THAP9: variants seen among roughly 807,000 people sequenced by gnomAD.
The protein encoded by THAP9 is THAP domain containing 9, also known as DNA transposase THAP9.
A neutral mutation model predicts 35.7 loss-of-function variants in THAP9; 20 were observed. That is an observed-to-expected ratio of 0.56 (90% confidence interval 0.39 to 0.81). The LOEUF is 0.81. Among genes scored for constraint, THAP9 ranks in the 40% least tolerant of loss-of-function variants. THAP9 has a pLI of 0.00. For synonymous variants in THAP9, 335 were observed against 373.7 expected (o/e 0.90, Z 1.19); for missense variants, 870 against 1,047.4 (o/e 0.83, Z 2.34).
At chr4:82,904,670 A>G (rs13140582) in intron 1 of THAP9, 66 bp from the exon 2 acceptor site, 280,004 of 1,435,950 alleles carry the variant, frequency 0.19, 28,461 homozygotes, top group South Asian at 0.31. Flanking sequence ...GGTTTATATA[A>G]TAAATACTAC....
At chr4:82,901,604 G>A (rs1374319118) in intron 1 of THAP9, among the ~76,000 whole-genome samples, 2 of 152,116 alleles carry the variant, frequency 1.3e-5, no homozygotes, top group Non-Finnish European at 2.9e-5. Context: ...GATAGAAAGT[G>A]CAAATATAGA....
At chr4:82,914,434 C>T (rs1720974012) in intron 4 of THAP9, among the ~76,000 whole-genome samples, 1 of 152,218 alleles carries the variant, frequency 6.6e-6, no homozygotes, top group African/African-American at 2.4e-5. Flanking sequence ...TACACTCCCA[C>T]CAACAGTGTA....
rs746323377 is a variant in THAP9 at position 82,917,759 on chromosome 4, A to G, written c.1547A>G (p.Asn516Ser). 6.2e-7 allele frequency: 1 copy of G among 1,614,016 alleles called. No individual in the cohort carries two copies. Residue 516 changes from asparagine to serine, a missense_variant, in exon 5 of 5, where the codon AAT (asparagine) becomes AGT (serine). Asn to Ser is a conservative substitution (Grantham distance 46, BLOSUM62 1). This residue lies in a region of THAP9 where 414 missense variants were observed against 500.8 expected (regional missense o/e 0.83). Transcript: ENST00000302236. ...GTIHFLRLINNLFDIFNSRNC... is the reference protein window; with the variant it reads ...GTIHFLRLINSLFDIFNSRNC... ...ATCCATTTTTTACGTTTAATTAACAATCTGTTTGACATCTTTAATAGTAGG... is the reference window on the plus strand; with the variant it reads ...ATCCATTTTTTACGTTTAATTAACAGTCTGTTTGACATCTTTAATAGTAGG...
chr4:82,906,455 A>G lies in THAP9; in HGVS notation c.408A>G (p.Ala136=), dbSNP rs1471057205. 2.5e-6 allele frequency: 4 copies of G among 1,613,778 alleles called. No homozygotes were observed. Among genetic ancestry groups the G allele is most frequent in the African/African-American group, 1.3e-5 (1 of 74,938 alleles). The part of the protein sequence containing the change: ...YSLKTPLTIG[A]EKLAEVQQML... ...TAAAGACACCTTTGACGATAGGTGC[A>G]GAGAAACTGGCTGAGGTGCAACAAA... The change falls in exon 3 of 5, where the codon GCA becomes GCG. Residue 136 remains alanine (A), a synonymous_variant. Coordinates refer to ENST00000302236, the MANE Select transcript of THAP9 (RefSeq NM_024672.6).
Position 82,907,771 on chromosome 4 carries a change from A to G in THAP9, c.581-14A>G. On this transcript the variant is annotated splice_polypyrimidine_tract_variant and intron_variant, in intron 3 of 4. Coordinates refer to ENST00000302236, the MANE Select transcript of THAP9 (RefSeq NM_024672.6). Reference sequence around the variant, plus strand: ...ACTATTCATCACAAAGAATAAAAAAATTTATTTTAACAGATTTTAAGTGGG... The same window carrying G: ...ACTATTCATCACAAAGAATAAAAAAGTTTATTTTAACAGATTTTAAGTGGG... 6.4e-7 allele frequency: 1 copy of G among 1,563,636 alleles called. No homozygotes were observed. Among genetic ancestry groups the G allele is most frequent in the Middle Eastern group, 1.8e-4 (1 of 5,594 alleles).
At chr4:82,906,136 CAA>C (rs11444044) in intron 2 of THAP9, among the ~76,000 whole-genome samples, 186 bp from the exon 3 acceptor site, 5 of 142,320 alleles carry the variant, frequency 3.5e-5, no homozygotes, top group Admixed American at 7.1e-5. Context: ...CTGTGTAGTG[CAA>C]AAAAAAAAAG....
intron 2 of THAP9, among the ~76,000 whole-genome samples, chr4:82,905,310 A>G (rs1720600550): frequency 6.6e-6 from 1 of 152,200 alleles, no homozygotes; most frequent in Admixed American, 6.5e-5. Context: ...TTGATCAAAA[A>G]TATACCTAAT....
chr4:82,914,303 T>G (rs1364707205), intron 4 of THAP9, among the ~76,000 whole-genome samples: 1 of 152,220 alleles, frequency 6.6e-6, no homozygotes, highest in Non-Finnish European at 1.5e-5. Flanking sequence ...CATGCATGTG[T>G]CTTTATGGTA....
intron 1 of THAP9, among the ~76,000 whole-genome samples, chr4:82,903,148 G>A (rs916383728): frequency 1.3e-5 from 2 of 152,244 alleles, no homozygotes; most frequent in South Asian, 2.1e-4. Flanking sequence ...CTATAAGTCT[G>A]TCTCTAAGAT....
chr4:82,900,771 A>T lies in THAP9; in HGVS notation c.-32A>T. 1 of 1,611,114 alleles carries T rather than the reference A, an allele frequency of 6.2e-7. No homozygotes were observed. Among genetic ancestry groups the T allele is most frequent in the Non-Finnish European group, 8.5e-7 (1 of 1,177,882 alleles). On this transcript the variant is annotated 5_prime_UTR_variant, in exon 1 of 5. Coordinates refer to ENST00000302236, the MANE Select transcript of THAP9 (RefSeq NM_024672.6). ...GGTCGTGATTCATGCTGTCGCGGGA[A>T]CCCCGAAGGTGGGGCCCCACGTAAC...
intron 4 of THAP9, among the ~76,000 whole-genome samples, chr4:82,909,424 G>C (rs994783846): frequency 4.6e-5 from 7 of 150,670 alleles, no homozygotes; most frequent in Non-Finnish European, 1.0e-4. Context: ...TTTCCTTCCT[G>C]TGTGTGTGTG....
chr4:82,917,326 AC>A lies in THAP9; in HGVS notation c.1115del (p.Thr372AsnfsTer24). On this transcript the variant is annotated frameshift_variant, in exon 5 of 5. Coordinates refer to ENST00000302236, the MANE Select transcript of THAP9 (RefSeq NM_024672.6). LOFTEE classifies it high-confidence loss of function. ...SDIGITVLAV[T>X]SDATAHSVQM... Reference sequence around the variant, plus strand: ...CATAGGAATCACAGTTCTGGCTGTTACATCTGATGCCACAGCACATAGTGTT... The same window carrying A: ...CATAGGAATCACAGTTCTGGCTGTTAATCTGATGCCACAGCACATAGTGTT... The A allele has an allele frequency of 6.2e-7, 1 of 1,613,786 alleles. No homozygotes were observed. Among genetic ancestry groups the A allele is most frequent in the Non-Finnish European group, 8.5e-7 (1 of 1,179,736 alleles).
Position 82,918,833 on chromosome 4 carries a change from C to A in THAP9, c.2621C>A (p.Ser874Ter). The change falls in exon 5 of 5, where the codon TCA becomes TAA. Residue 874 changes from serine to a stop codon, truncating the protein, a stop_gained. Coordinates refer to ENST00000302236, the MANE Select transcript of THAP9 (RefSeq NM_024672.6). LOFTEE classifies it high-confidence loss of function. ...DMKTLSRKHW[S>*]SVQDYKCSSF... is the part of the protein sequence containing the mutation. ...AAAACTTTATCAAGGAAACACTGGT[C>A]ATCTGTACAGGATTATAAATGTTCA... The A allele has an allele frequency of 6.2e-7, 1 of 1,613,510 alleles. No individual in the cohort carries two copies. Among genetic ancestry groups the A allele is most frequent in the South Asian group, 1.1e-5 (1 of 90,984 alleles).
chr4:82,909,782 A>G (rs1423585371), intron 4 of THAP9, among the ~76,000 whole-genome samples: 2 of 152,138 alleles, frequency 1.3e-5, no homozygotes, highest in African/African-American at 4.8e-5. Flanking sequence ...GCTAAGCAAG[A>G]GAGTTTTATA....
chr4:82,906,435 A>C lies in THAP9; in HGVS notation c.388A>C (p.Thr130Pro). The change falls in exon 3 of 5, where the codon ACA becomes CCA. Residue 130 changes from threonine to proline, a missense_variant. Coordinates refer to ENST00000302236, the MANE Select transcript of THAP9 (RefSeq NM_024672.6). ...ATEDHNYSLK[T>P]PLTIGAEKLA... ...TGAGGACCATAACTATAGTTTAAAG[A>C]CACCTTTGACGATAGGTGCAGAGAA... 1 of 1,613,868 alleles carries C rather than the reference A, an allele frequency of 6.2e-7. No homozygotes were observed. Among genetic ancestry groups the C allele is most frequent in the Non-Finnish European group, 8.5e-7 (1 of 1,179,790 alleles).
At chr4:82,904,705 T>C (rs561787611) in intron 1 of THAP9, 31 bp from the exon 2 acceptor site, 1 of 1,603,590 alleles carries the variant, frequency 6.2e-7, no homozygotes, top group East Asian at 2.2e-5. Context: ...AATGTTTTCA[T>C]GTTAATGGAA....
intron 4 of THAP9, among the ~76,000 whole-genome samples, chr4:82,915,931 G>A (rs1051171474): frequency 3.3e-5 from 5 of 152,064 alleles, no homozygotes; most frequent in African/African-American, 1.2e-4. Context: ...GTGTAAGTTC[G>A]TAGTATGTAC....
Position 82,917,335 on chromosome 4 carries a change from G to A in THAP9, c.1123G>A (p.Ala375Thr), listed in dbSNP as rs759742384. 1.9e-6 allele frequency: 3 copies of A among 1,613,402 alleles called. No homozygotes were observed. The Admixed American group carries it at 5.0e-5, about 27-fold the overall frequency. The stretch of plus-strand genomic sequence containing the variant: ...CACAGTTCTGGCTGTTACATCTGAT[G>A]CCACAGCACATAGTGTTCAGATGGC... ...GITVLAVTSD[A>T]TAHSVQMAKA... is the part of the protein sequence containing the mutation. Residue 375 changes from alanine to threonine, a missense_variant, in exon 5 of 5, where the codon GCC becomes ACC. By Grantham distance (58) the Ala-to-Thr change is moderately conservative (BLOSUM62 0). Around this residue, in one of 3 missense-constraint regions of THAP9, gnomAD observed 440 missense variants for 501.2 expected, o/e 0.88. Coordinates refer to ENST00000302236, the MANE Select transcript of THAP9 (RefSeq NM_024672.6).
At position 82,907,831 on chromosome 4, in the gene THAP9, C is replaced by T. The variant is rs150214667; in HGVS notation, c.627C>T (p.Ser209=). 935 of 1,608,928 alleles carry T rather than the reference C, an allele frequency of 5.8e-4. No individual in the cohort carries two copies. Among genetic ancestry groups the T allele is most frequent in the Non-Finnish European group, 7.5e-4 (879 of 1,177,984 alleles). The part of the protein sequence containing the change: ...LYNWRETDEY[S]AEMKQFACTL... ...ATTGGAGAGAAACAGATGAGTACTCCGCAGAAATGAAACAATTTGCATGTA... is the reference window on the plus strand; with the variant it reads ...ATTGGAGAGAAACAGATGAGTACTCTGCAGAAATGAAACAATTTGCATGTA... Residue 209 remains serine, a synonymous_variant, in exon 4 of 5, where the codon TCC becomes TCT. Transcript: ENST00000302236.
Sources: gnomAD v4.1 joint callset for allele counts (sites outside exome capture counted in the v4.1 genomes callset) on GRCh38, gnomAD v4.1.1 for gene constraint, gnomAD v4.1.1 regional missense constraint, MANE v1.5 for transcripts, NCBI Gene and HGNC (gene_info 2026-07-23, HGNC 2026-07-21) for gene names.